The following DOCK1 variants were observed in gnomAD, a reference collection of about 807,000 sequenced individuals.
The protein encoded by DOCK1 is dedicator of cytokinesis 1.
A neutral mutation model predicts 262.7 loss-of-function variants in DOCK1; 138 were observed. That is an observed-to-expected ratio of 0.53 (90% CI 0.46 to 0.61). The LOEUF is 0.61. Ranked by LOEUF, DOCK1 falls within the 20% of genes least tolerant of loss-of-function variation. The pLI, the probability that DOCK1 is intolerant of heterozygous loss-of-function variation, is 0.00. For synonymous variants in DOCK1, 866 were observed against 867.4 expected, an observed-to-expected ratio of 1.00 and a Z score of 0.03; for missense variants, 1,908 against 2,370.7, an observed-to-expected ratio of 0.80 and a Z score of 4.05.
At chr10:127,364,193 C>G (rs765273345) in intron 33 of DOCK1, among the ~76,000 whole-genome samples, 1 of 152,138 alleles carries the variant, frequency 6.6e-6, no homozygotes, top group Non-Finnish European at 1.5e-5. Context: ...CAGGGTTGTT[C>G]CGGAAGCCGG....
intron 29 of DOCK1, among the ~76,000 whole-genome samples, chr10:127,306,320 T>C (rs1224849304): frequency 6.6e-6 from 1 of 152,146 alleles, no homozygotes; most frequent in Admixed American, 6.6e-5. Context: ...CGGCCCATTT[T>C]ATGCATATTT....
intron 29 of DOCK1, among the ~76,000 whole-genome samples, chr10:127,303,592 C>T: frequency 8.5e-6 from 1 of 117,646 alleles, no homozygotes. Context: ...CTTTGGGAGG[C>T]CCACACCTGT....
intron 29 of DOCK1, among the ~76,000 whole-genome samples, chr10:127,263,857 G>A (rs1156362543): frequency 6.6e-6 from 1 of 152,086 alleles, no homozygotes; most frequent in African/African-American, 2.4e-5. Context: ...CTAGTCTTAG[G>A]GTTTGCCTTC....
At chr10:127,266,369 T>C (rs773189177) in intron 29 of DOCK1, among the ~76,000 whole-genome samples, 1 of 152,250 alleles carries the variant, frequency 6.6e-6, no homozygotes, top group South Asian at 2.1e-4. Context: ...ACTATTGAGG[T>C]TTTGCACAGC....
Position 127,403,134 on chromosome 10 carries a change from G to A in DOCK1, c.4007G>A (p.Ser1336Asn), listed in dbSNP as rs1198103347. Residue 1336 changes from serine (S) to asparagine (N), a missense_variant, in exon 39 of 52, where the codon AGC (serine) becomes AAC (asparagine). Ser to Asn is a conservative substitution (Grantham distance 46). This residue lies in a region of DOCK1 where 267 missense variants were observed against 366.3 expected (regional missense o/e 0.73). Coordinates refer to ENST00000623213, the MANE Select transcript of DOCK1 (RefSeq NM_001290223.2). ...ENEMFDYEQL[S>N]ELLKKQAQFY... The stretch of plus-strand genomic sequence containing the variant: ...GAAATGTTTGATTATGAGCAACTCA[G>A]CGAATTGCTGGTGAGTCTTTATTTC... 1.2e-6 allele frequency: 2 copies of A among 1,609,228 alleles called. No homozygotes were observed. The highest frequency in any genetic ancestry group is 1.1e-5 in the South Asian group (1 of 89,550).
Position 127,008,750 on chromosome 10 carries a change from T to G in DOCK1, c.1004T>G (p.Ile335Arg). 1 of 1,596,726 alleles carries G rather than the reference T, an allele frequency of 6.3e-7. No individual in the cohort carries two copies. Among genetic ancestry groups the G allele is most frequent in the Non-Finnish European group, 8.5e-7 (1 of 1,170,874 alleles). Reference protein sequence around the residue: ...FGVAVMDVTDIINGKVDDEDK... With the variant: ...FGVAVMDVTDRINGKVDDEDK... ...TCTCCAGTGATGGATGTAACAGATA[T>G]AATAAATGGAAAAGTAGATGATGAA... Residue 335 changes from isoleucine to arginine, a missense_variant, in exon 11 of 52, where the codon ATA (isoleucine) becomes AGA (arginine). Physicochemically the swap from Ile to Arg is moderately conservative, Grantham distance 97. Transcript: ENST00000623213.
Position 127,313,676 on chromosome 10 carries a change from G to A in DOCK1, c.3045-25330G>A, listed in dbSNP as rs571151757. On this transcript the variant is annotated intron_variant, in intron 29 of 51. Transcript: ENST00000623213. ...TCCTCACCCATCCTCCACCCCTCTC[G>A]ACCCGCAGCAGACACCCCCAGGTCT... is the stretch of plus-strand genomic sequence containing the variant. Among the ~76,000 whole-genome samples, 21 of 152,088 alleles carry A rather than the reference G, an allele frequency of 1.4e-4. No homozygotes were observed. The South Asian group carries it at 1.9e-3, about 14-fold the overall frequency.
At chr10:127,201,441 A>G (rs1249901232) in intron 27 of DOCK1, among the ~76,000 whole-genome samples, 2 of 152,150 alleles carry the variant, frequency 1.3e-5, no homozygotes. Context: ...AAGAAACTAG[A>G]GATGGTTTAT....
At chr10:127,065,980 T>TC (rs2045847114) in intron 23 of DOCK1, among the ~76,000 whole-genome samples, 1 of 151,996 alleles carries the variant, frequency 6.6e-6, no homozygotes, top group African/African-American at 2.4e-5. Context: ...TGAGACCCGC[T>TC]CCACCCCTAG....
At chr10:127,065,447 G>A (rs565407014) in intron 23 of DOCK1, among the ~76,000 whole-genome samples, 1 of 152,274 alleles carries the variant, frequency 6.6e-6, no homozygotes, top group East Asian at 1.9e-4. Context: ...CCTGTCCCTG[G>A]ATAGAGGCTC....
intron 1 of DOCK1, among the ~76,000 whole-genome samples, chr10:126,965,753 A>G (rs2037626182): frequency 6.6e-6 from 1 of 152,186 alleles, no homozygotes; most frequent in Non-Finnish European, 1.5e-5. Context: ...TTTTCTCTGC[A>G]TCAGTTGAGA....
At chr10:127,236,603 T>TA (rs902510025) in intron 27 of DOCK1, among the ~76,000 whole-genome samples, 6 of 150,236 alleles carry the variant, frequency 4.0e-5, no homozygotes, top group African/African-American at 1.5e-4. Context: ...ACTGTCTTGA[T>TA]ATCTGTAGTT....
intron 1 of DOCK1, among the ~76,000 whole-genome samples, chr10:126,960,745 T>TATATATATATATATATATATATATAC (rs1429186588): frequency 8.8e-4 from 102 of 115,390 alleles, no homozygotes; most frequent in Non-Finnish European, 1.2e-3. Context: ...TATATATATA[T>TATATATATATATATATATATATATAC]ACACACACAC....
At chr10:127,092,124 G>C (rs2047570909) in intron 23 of DOCK1, among the ~76,000 whole-genome samples, 1 of 152,210 alleles carries the variant, frequency 6.6e-6, no homozygotes. Context: ...GTACTGGCCA[G>C]AGCTGCTGTA....
chr10:127,246,674 G>C (rs1272665569), intron 27 of DOCK1, among the ~76,000 whole-genome samples: 1 of 152,170 alleles, frequency 6.6e-6, no homozygotes, highest in African/African-American at 2.4e-5. Flanking sequence ...TGTTCAATTT[G>C]AGTAATGCGT....
At chr10:127,142,969 C>T (rs1329232791) in intron 27 of DOCK1, among the ~76,000 whole-genome samples, 1 of 152,190 alleles carries the variant, frequency 6.6e-6, no homozygotes, top group Non-Finnish European at 1.5e-5. Context: ...CAGCCTGCAC[C>T]TAAGCTTTAT....
intron 21 of DOCK1, among the ~76,000 whole-genome samples, chr10:127,049,532 A>C (rs2044573323): frequency 6.6e-6 from 1 of 152,132 alleles, no homozygotes; most frequent in Admixed American, 6.6e-5. Flanking sequence ...AAAATAAATA[A>C]ATAAAATAAT....
chr10:127,021,226 C>T (rs928025641), intron 13 of DOCK1, among the ~76,000 whole-genome samples: 6 of 152,160 alleles, frequency 3.9e-5, no homozygotes, highest in Admixed American at 3.9e-4. Flanking sequence ...AGTGCAGTAG[C>T]ACGATCTCAG....
intron 13 of DOCK1, among the ~76,000 whole-genome samples, chr10:127,019,660 A>T (rs1474977800): frequency 1.3e-5 from 2 of 152,166 alleles, no homozygotes; most frequent in South Asian, 4.1e-4. Flanking sequence ...GAGGTGGAGG[A>T]ATCACTTGAA....
Sources: allele counts gnomAD v4.1 joint callset (sites outside exome capture counted in the v4.1 genomes callset), GRCh38; gene constraint gnomAD v4.1.1; regional missense constraint gnomAD v4.1.1; transcripts MANE v1.5; gene names NCBI Gene and HGNC (gene_info 2026-07-23, HGNC 2026-07-21).